Variants in PGBD2 observed in about 807,000 individuals in gnomAD.
PGBD2 encodes piggyBac transposable element derived 2.
Under a neutral mutation model 8.1 loss-of-function variants are expected in PGBD2, and 6 were observed. The observed-to-expected ratio is 0.74, with a 90% CI of 0.40 to 1.46. The LOEUF (loss-of-function observed/expected upper bound fraction) is 1.46. Ranked by LOEUF, PGBD2 falls within the 40% of genes most tolerant of loss-of-function variation. PGBD2 has a pLI of 0.02. For missense variants in PGBD2, 802 were observed against 739.0 expected (o/e 1.09, Z -0.99); for synonymous variants, 318 against 272.2 (o/e 1.17, Z -1.66).
At chr1:248,915,958 G>T (rs1276270130) in intron 2 of PGBD2, among the ~76,000 whole-genome samples, 2 of 152,284 alleles carry the variant, frequency 1.3e-5, no homozygotes, top group East Asian at 3.9e-4. Flanking sequence ...GCTGCCCAGG[G>T]CTCCCTGTTG....
chr1:248,917,803 G>A lies in PGBD2; in HGVS notation c.1219G>A (p.Glu407Lys), dbSNP rs1364001898. The change falls in exon 3 of 3, where the codon GAG (glutamate) becomes AAG (lysine). Residue 407 changes from glutamate to lysine, a missense_variant. Transcript: ENST00000329291. Reference sequence around the variant, plus strand: ...TGATTACAAAGTCGATGAGAGTGAGGAGATCATCGTGTGCCGCTGGCACGA... The same window carrying A: ...TGATTACAAAGTCGATGAGAGTGAGAAGATCATCGTGTGCCGCTGGCACGA... ...SFDYKVDESE[E>K]IIVCRWHDSS... 3.7e-6 allele frequency: 6 copies of A among 1,614,082 alleles called. No homozygotes were observed. The African/African-American group carries it at 8.0e-5, about 22-fold the overall frequency.
the PGBD2 span, among the ~76,000 whole-genome samples, chr1:248,900,126 C>A: frequency 4.1e-5 from 6 of 145,738 alleles, no homozygotes; most frequent in Admixed American, 2.7e-4. Flanking sequence ...AGCCCAGGAT[C>A]AGAAGGATTA....
chr1:248,916,136 G>A (rs1033594193), intron 2 of PGBD2, among the ~76,000 whole-genome samples: 12 of 152,204 alleles, frequency 7.9e-5, no homozygotes, highest in Admixed American at 6.5e-4. Flanking sequence ...TCTGTGGGCC[G>A]GGTGCCATGG....
chr1:248,928,967 A>C, the PGBD2 span, among the ~76,000 whole-genome samples: 1 of 152,232 alleles, frequency 6.6e-6, no homozygotes, highest in East Asian at 1.9e-4. Flanking sequence ...AATTCTCTAG[A>C]CCATCAGTTC....
At chr1:248,923,436 T>G (rs181269008), downstream of PGBD2, among the ~76,000 whole-genome samples, 575 of 151,690 alleles carry the variant, frequency 3.8e-3, 1 homozygote, top group African/African-American at 0.013. Context: ...TTTTGAAGGG[T>G]TTTTCATGTC....
intron 2 of PGBD2, chr1:248,914,477 G>T: frequency 7.8e-7 from 1 of 1,288,420 alleles, no homozygotes; most frequent in South Asian, 1.2e-5. Flanking sequence ...CTGGAGGTCA[G>T]CATGGCAGCT....
In PGBD2 at chr1:248,917,393, A is replaced by T. The variant is rs754927870; in HGVS notation, c.809A>T (p.Glu270Val). 1 of 1,614,056 alleles carries T rather than the reference A, an allele frequency of 6.2e-7. No homozygotes were observed. The highest frequency in any genetic ancestry group is 8.5e-7 in the Non-Finnish European group (1 of 1,180,014). Reference protein sequence around the residue: ...APLEEFYSFGESMCEYFGHRG... With the variant: ...APLEEFYSFGVSMCEYFGHRG... ...TTGGAAGAGTTCTACAGCTTTGGCG[A>T]GTCTATGTGTGAGTACTTTGGGCAC... The change falls in exon 3 of 3, where the codon GAG (glutamate) becomes GTG (valine). Residue 270 changes from glutamate (E) to valine (V), a missense_variant. Glu to Val is a moderately radical substitution (Grantham distance 121). Coordinates refer to ENST00000329291, the MANE Select transcript of PGBD2 (RefSeq NM_170725.3).
chr1:248,879,034 C>T, the PGBD2 span, among the ~76,000 whole-genome samples: 5 of 152,172 alleles, frequency 3.3e-5, no homozygotes, highest in Non-Finnish European at 7.3e-5. Flanking sequence ...TAGCTATATG[C>T]CTTTTAAATT....
chr1:248,892,359 A>C, the PGBD2 span, among the ~76,000 whole-genome samples: 151 of 148,726 alleles, frequency 1.0e-3, no homozygotes, highest in Non-Finnish European at 1.9e-3. Flanking sequence ...AGGCATATTT[A>C]GCATTCTACC....
chr1:248,896,118 T>A, the PGBD2 span, among the ~76,000 whole-genome samples: 3 of 152,256 alleles, frequency 2.0e-5, no homozygotes, highest in East Asian at 5.8e-4. Context: ...CATACAATAT[T>A]TGATTTTCCA....
At chr1:248,891,414 T>A in the PGBD2 span, among the ~76,000 whole-genome samples, 2 of 152,248 alleles carry the variant, frequency 1.3e-5, no homozygotes, top group Non-Finnish European at 1.5e-5. Context: ...TGGGTTATAC[T>A]TTTTGGGTTT....
At chr1:248,912,781 T>C (rs1369565545) in intron 1 of PGBD2, 1 of 151,722 alleles carries the variant, frequency 6.6e-6, no homozygotes, top group African/African-American at 2.4e-5. Context: ...GTATATGTGC[T>C]GCCGAAGTGA....
the PGBD2 span, among the ~76,000 whole-genome samples, chr1:248,900,634 C>T: frequency 1.3e-5 from 2 of 152,162 alleles, no homozygotes; most frequent in Non-Finnish European, 2.9e-5. Context: ...CAGTCAATAG[C>T]ATACTTAATG....
chr1:248,886,029 A>G, the PGBD2 span, among the ~76,000 whole-genome samples: 1 of 152,146 alleles, frequency 6.6e-6, no homozygotes, highest in African/African-American at 2.4e-5. Context: ...ACAAATCATG[A>G]ATGAAAAAAA....
the PGBD2 span, among the ~76,000 whole-genome samples, chr1:248,929,773 A>G: frequency 1.3e-5 from 2 of 152,208 alleles, no homozygotes; most frequent in Non-Finnish European, 1.5e-5. Flanking sequence ...TGACAGAATG[A>G]AAGGTGAGGA....
chr1:248,875,999 C>CTT, the PGBD2 span, among the ~76,000 whole-genome samples: 3 of 139,648 alleles, frequency 2.1e-5, no homozygotes, highest in Non-Finnish European at 3.2e-5. Context: ...TTAAACTGTT[C>CTT]TTTTTTTTTT....
Position 248,917,802 on chromosome 1 carries a change from G to C in PGBD2, c.1218G>C (p.Glu406Asp). The C allele has an allele frequency of 1.2e-6, 2 of 1,614,220 alleles. No homozygotes were observed. The highest frequency in any genetic ancestry group is 1.7e-6 in the Non-Finnish European group (2 of 1,180,048). Residue 406 changes from glutamate to aspartate, a missense_variant, in exon 3 of 3, where the codon GAG (glutamate) becomes GAC (aspartate). Physicochemically the swap from Glu to Asp is conservative, Grantham distance 45. Coordinates refer to ENST00000329291, the MANE Select transcript of PGBD2 (RefSeq NM_170725.3). ...TTGATTACAAAGTCGATGAGAGTGA[G>C]GAGATCATCGTGTGCCGCTGGCACG... ...GSFDYKVDES[E>D]EIIVCRWHDS...
chr1:248,905,936 T>C (rs1661616966), upstream of PGBD2, among the ~76,000 whole-genome samples: 1 of 152,132 alleles, frequency 6.6e-6, no homozygotes, highest in African/African-American at 2.4e-5. Flanking sequence ...GAAGCTGCTG[T>C]TAGATTGGGG....
chr1:248,928,124 T>A, the PGBD2 span, among the ~76,000 whole-genome samples: 1 of 152,210 alleles, frequency 6.6e-6, no homozygotes, highest in Non-Finnish European at 1.5e-5. Flanking sequence ...TGCTTTTTTG[T>A]CCCAGCAGCC....
Sources: allele counts gnomAD v4.1 joint callset (sites outside exome capture counted in the v4.1 genomes callset), GRCh38; gene constraint gnomAD v4.1.1; transcripts MANE v1.5; gene names NCBI Gene and HGNC (gene_info 2026-07-23, HGNC 2026-07-21).